The following DCC variants were observed in gnomAD, a reference collection of about 807,000 sequenced individuals.
The protein encoded by DCC is DCC netrin 1 receptor.
DCC carries 58 observed loss-of-function variants against 172.5 expected under a neutral mutation model. That is an observed-to-expected ratio of 0.34 (90% CI 0.27 to 0.42). The LOEUF is 0.42. Ranked by LOEUF, DCC falls within the 10% of genes least tolerant of loss-of-function variation. DCC has a pLI of 1.00. For missense variants in DCC, 1,740 were observed against 1,791.0 expected (o/e 0.97, Z 0.51); for synonymous variants, 709 against 644.5 (o/e 1.10, Z -1.52).
At chr18:52,428,976 A>G (rs1382766573) in intron 1 of DCC, among the ~76,000 whole-genome samples, 1 of 152,038 alleles carries the variant, frequency 6.6e-6, no homozygotes, top group Non-Finnish European at 1.5e-5. Flanking sequence ...ATGCACGTGG[A>G]TGAATACTTT....
chr18:52,389,339 G>A (rs545606685), intron 1 of DCC, among the ~76,000 whole-genome samples: 18 of 152,070 alleles, frequency 1.2e-4, no homozygotes, highest in East Asian at 1.9e-4. Flanking sequence ...CTCAAATATC[G>A]CATGGAACAT....
At chr18:53,126,042 A>G (rs2043551427) in intron 7 of DCC, among the ~76,000 whole-genome samples, 1 of 152,100 alleles carries the variant, frequency 6.6e-6, no homozygotes, top group Admixed American at 6.6e-5. Context: ...CTGTTGATGA[A>G]CTTAACTTTT....
At chr18:53,515,060 G>A (rs961941143) in intron 27 of DCC, among the ~76,000 whole-genome samples, 19 of 151,922 alleles carry the variant, frequency 1.3e-4, no homozygotes, top group Admixed American at 2.6e-4. Context: ...ATAAAATACT[G>A]GCAACACGAA....
intron 2 of DCC, among the ~76,000 whole-genome samples, chr18:52,808,080 G>C (rs1293649139): frequency 6.6e-6 from 1 of 152,190 alleles, no homozygotes; most frequent in Non-Finnish European, 1.5e-5. Context: ...TCATTTTGCA[G>C]TTATTCCCTA....
In DCC at chr18:52,554,476, A is replaced by G. The variant is rs373202635; in HGVS notation, c.92-197578A>G. ...GACAAGATGAAATTTAAATTTTAAC[A>G]TGAATAATACACAGTCCTGACTTTG... On this transcript the variant is annotated intron_variant, in intron 1 of 28. Transcript: ENST00000442544. Among the ~76,000 whole-genome samples, 6 of 151,890 alleles carry G rather than the reference A, an allele frequency of 4.0e-5. No homozygotes were observed. The East Asian group carries it at 1.2e-3, about 30-fold the overall frequency.
chr18:52,494,285 TG>T, intron 1 of DCC, among the ~76,000 whole-genome samples: 1 of 151,506 alleles, frequency 6.6e-6, no homozygotes, highest in Non-Finnish European at 1.5e-5. Flanking sequence ...TGTGTGTGTG[TG>T]TGTGTGTCTG....
intron 12 of DCC, among the ~76,000 whole-genome samples, chr18:53,226,934 G>GTGTATATATATATATATATA (rs34949557): frequency 3.8e-4 from 26 of 68,122 alleles, no homozygotes; most frequent in Non-Finnish European, 6.8e-4. Context: ...GTGTGTGTGT[G>GTGTATATATATATATATATA]TATATATATA....
chr18:52,870,856 CTT>C (rs1201660801), intron 2 of DCC, among the ~76,000 whole-genome samples: 15 of 152,220 alleles, frequency 9.9e-5, no homozygotes, highest in African/African-American at 3.6e-4. Flanking sequence ...TGAGTAAAAA[CTT>C]TGTCTCCCAT....
intron 1 of DCC, among the ~76,000 whole-genome samples, chr18:52,368,841 C>T (rs887963402): frequency 1.3e-5 from 2 of 152,180 alleles, no homozygotes; most frequent in African/African-American, 4.8e-5. Flanking sequence ...GAAGATAAGA[C>T]TGCTAGTCCT....
chr18:52,978,610 A>G (rs2041159778), intron 5 of DCC, among the ~76,000 whole-genome samples: 1 of 152,178 alleles, frequency 6.6e-6, no homozygotes, highest in African/African-American at 2.4e-5. Flanking sequence ...GCCAAAGACC[A>G]CACAGTTCGT....
chr18:53,525,771 T>TTTCTC (rs1184720320), intron 27 of DCC, among the ~76,000 whole-genome samples: 1 of 152,118 alleles, frequency 6.6e-6, no homozygotes, highest in African/African-American at 2.4e-5. Flanking sequence ...TTTTCATGGC[T>TTTCTC]TTCTCTAATA....
At chr18:52,461,868 T>G (rs1464627538) in intron 1 of DCC, among the ~76,000 whole-genome samples, 1 of 152,180 alleles carries the variant, frequency 6.6e-6, no homozygotes, top group African/African-American at 2.4e-5. Flanking sequence ...TTTTCAACTG[T>G]GCACTGGAAA....
intron 2 of DCC, among the ~76,000 whole-genome samples, chr18:52,855,086 T>G (rs1342162533): frequency 3.3e-5 from 5 of 152,200 alleles, no homozygotes; most frequent in African/African-American, 1.2e-4. Context: ...GTCTTCGGCT[T>G]CTTGTAACAC....
At chr18:52,979,670 A>G (rs139451479) in intron 5 of DCC, among the ~76,000 whole-genome samples, 2,116 of 152,316 alleles carry the variant, frequency 0.014, 53 homozygotes, top group African/African-American at 0.049. Context: ...AGAGTTACCC[A>G]TGAGGAGTCT....
At chr18:53,308,749 A>G (rs918113220) in intron 13 of DCC, among the ~76,000 whole-genome samples, 1 of 152,236 alleles carries the variant, frequency 6.6e-6, no homozygotes, top group Non-Finnish European at 1.5e-5. Flanking sequence ...CAGTACGGCA[A>G]CTATTAGCTT....
chr18:53,296,565 G>A, intron 12 of DCC, among the ~76,000 whole-genome samples: 1 of 152,166 alleles, frequency 6.6e-6, no homozygotes, highest in East Asian at 1.9e-4. Context: ...GAGAGTAGAG[G>A]CTGGGGCGCC....
chr18:53,054,876 T>C (rs2042382566), intron 5 of DCC, among the ~76,000 whole-genome samples: 1 of 152,156 alleles, frequency 6.6e-6, no homozygotes, highest in Non-Finnish European at 1.5e-5. Context: ...TAACATTTTA[T>C]TTCTCTAGGA....
chr18:53,509,345 T>A (rs1461183386), intron 27 of DCC, among the ~76,000 whole-genome samples: 1 of 152,250 alleles, frequency 6.6e-6, no homozygotes, highest in Non-Finnish European at 1.5e-5. Context: ...TGATTTGAGA[T>A]ATAAATATTA....
intron 9 of DCC, among the ~76,000 whole-genome samples, chr18:53,199,927 C>T (rs10221372): frequency 0.01 from 1,584 of 151,956 alleles, 21 homozygotes; most frequent in Non-Finnish European, 0.017. Context: ...AATTTTACAA[C>T]GAAAGAGTTG....
Sources: allele counts gnomAD v4.1 joint callset (sites outside exome capture counted in the v4.1 genomes callset), GRCh38; gene constraint gnomAD v4.1.1; transcripts MANE v1.5; gene names NCBI Gene and HGNC (gene_info 2026-07-23, HGNC 2026-07-21).